The following DDIAS variants were observed in gnomAD, a reference collection of about 807,000 sequenced individuals.
DDIAS encodes the protein DNA damage induced apoptosis suppressor, also known as DNA damage-induced apoptosis suppressor protein.
In DDIAS, 14 loss-of-function variants were observed where a neutral mutation model predicts 15.7. That is an observed-to-expected ratio of 0.89 (90% CI 0.59 to 1.39). DDIAS has a LOEUF of 1.39. Ranked by LOEUF, DDIAS falls within the 40% of genes most tolerant of loss-of-function variation. The pLI is 0.00. For missense variants in DDIAS, 1,035 were observed against 1,130.9 expected (o/e 0.92, Z 1.22); for synonymous variants, 355 against 395.9 (o/e 0.90, Z 1.23).
intron 3 of DDIAS, among the ~76,000 whole-genome samples, chr11:82,928,418 C>T (rs911819823): frequency 2.0e-5 from 3 of 151,750 alleles, no homozygotes; most frequent in Admixed American, 1.3e-4. Flanking sequence ...CTAGGATGGT[C>T]TCAATCTCCT....
intron 3 of DDIAS, among the ~76,000 whole-genome samples, chr11:82,918,144 C>T (rs1044996556): frequency 4.6e-5 from 7 of 152,130 alleles, no homozygotes; most frequent in African/African-American, 1.7e-4. Flanking sequence ...TTAATTAAGT[C>T]CCAGCTATTT....
In DDIAS at chr11:82,932,342, A is replaced by C; in HGVS notation, c.1004A>C (p.Asn335Thr). 6.2e-7 allele frequency: 1 copy of C among 1,614,056 alleles called. No individual in the cohort carries two copies. The highest frequency in any genetic ancestry group is 8.5e-7 in the Non-Finnish European group (1 of 1,179,898). The change falls in exon 6 of 6, where the codon AAT (asparagine) becomes ACT (threonine). Residue 335 changes from asparagine (N) to threonine (T), a missense_variant. By Grantham distance (65) the Asn-to-Thr change is moderately conservative. Transcript: ENST00000533655. The part of the protein sequence containing the change: ...VHSSHHEIGV[N>T]DSNLFSLEMR... ...AGCAGTCATCATGAAATTGGAGTTA[A>C]TGACTCTAATTTATTCTCTTTGGAA...
At chr11:82,915,095 G>A (rs903062476) in intron 3 of DDIAS, among the ~76,000 whole-genome samples, 54 of 152,216 alleles carry the variant, frequency 3.5e-4, no homozygotes, top group African/African-American at 1.2e-3. Flanking sequence ...TTCTCAGAGA[G>A]TAAGTTCCAA....
intron 3 of DDIAS, among the ~76,000 whole-genome samples, chr11:82,917,438 G>A (rs1860655452): frequency 6.6e-6 from 1 of 152,058 alleles, no homozygotes; most frequent in Non-Finnish European, 1.5e-5. Flanking sequence ...TAGAATAACA[G>A]TCTCCAGTCT....
At chr11:82,927,386 C>A (rs1374876520) in intron 3 of DDIAS, among the ~76,000 whole-genome samples, 1 of 146,988 alleles carries the variant, frequency 6.8e-6, no homozygotes, top group Non-Finnish European at 1.5e-5. Flanking sequence ...TGGTATAGAT[C>A]TATCCTCAGT....
chr11:82,933,235 T>C lies in DDIAS; in HGVS notation c.1897T>C (p.Tyr633His), dbSNP rs190082082. ...TTTTACAATTTGCAGGAAACTTACA[T>C]ATCCTTTAGAAACTCTTTGCAATAG... ...DSFTICRKLTYPLETLCNSPN... is the reference protein window; with the variant it reads ...DSFTICRKLTHPLETLCNSPN... The change falls in exon 6 of 6, where the codon TAT becomes CAT. Residue 633 changes from tyrosine (Y) to histidine (H), a missense_variant. Coordinates refer to ENST00000533655, the MANE Select transcript of DDIAS (RefSeq NM_145018.4). 6.2e-6 allele frequency: 10 copies of C among 1,612,312 alleles called. No individual in the cohort carries two copies. In the Admixed American group the frequency reaches 1.0e-4, roughly 16 times the overall value.
chr11:82,917,349 T>C (rs1210260184), intron 3 of DDIAS, among the ~76,000 whole-genome samples: 1 of 151,990 alleles, frequency 6.6e-6, no homozygotes, highest in African/African-American at 2.4e-5. Context: ...TTCTTATGCT[T>C]TTGCATCCTC....
In DDIAS at chr11:82,932,519, C is replaced by G. The variant is rs140627913; in HGVS notation, c.1181C>G (p.Ser394Trp). The G allele has an allele frequency of 3.1e-4, 500 of 1,614,192 alleles. 1 individual carries two copies. Among genetic ancestry groups the G allele is most frequent in the African/African-American group, 2.6e-3 (193 of 75,048 alleles). ...LQKRSACCPPSLLRLEETASS... is the reference protein window; with the variant it reads ...LQKRSACCPPWLLRLEETASS... ...AAGAGATCTGCATGTTGTCCACCTTCGTTACTCAGACTTGAAGAGACAGCC... is the reference window on the plus strand; with the variant it reads ...AAGAGATCTGCATGTTGTCCACCTTGGTTACTCAGACTTGAAGAGACAGCC... The change falls in exon 6 of 6, where the codon TCG becomes TGG. Residue 394 changes from serine to tryptophan, a missense_variant. Coordinates refer to ENST00000533655, the MANE Select transcript of DDIAS (RefSeq NM_145018.4).
intron 5 of DDIAS, 58 bp downstream of exon 5, chr11:82,930,332 A>G (rs927955470): frequency 1.0e-5 from 13 of 1,253,770 alleles, no homozygotes; most frequent in Non-Finnish European, 1.4e-5. Context: ...GTAATGAATT[A>G]TGTGAATTTT....
chr11:82,930,149 C>T lies in DDIAS; in HGVS notation c.276-8C>T. 1 of 1,478,940 alleles carries T rather than the reference C, an allele frequency of 6.8e-7. No homozygotes were observed. Among genetic ancestry groups the T allele is most frequent in the Non-Finnish European group, 9.2e-7 (1 of 1,085,912 alleles). The allele number at this position is 1,478,940 out of a possible 1,614,324, so 91.6% of individuals were successfully genotyped here. A position where few individuals can be genotyped will look rare whatever the true frequency, so the allele number is the denominator to read the frequency against. ...TGCTTCACATTTTTTACTTTTTTTC[C>T]AATCAAGGTACATTCAGGATCCTAA... On this transcript the variant is annotated splice_region_variant and splice_polypyrimidine_tract_variant and intron_variant, in intron 4 of 5. Transcript: ENST00000533655.
intron 3 of DDIAS, among the ~76,000 whole-genome samples, chr11:82,916,469 G>T (rs536563529): frequency 6.6e-6 from 1 of 151,816 alleles, no homozygotes; most frequent in South Asian, 2.1e-4. Flanking sequence ...AGTAATATCT[G>T]CCTAATAAGG....
intron 3 of DDIAS, among the ~76,000 whole-genome samples, chr11:82,921,390 C>T (rs1369186097): frequency 6.6e-6 from 1 of 151,908 alleles, no homozygotes; most frequent in Non-Finnish European, 1.5e-5. Flanking sequence ...ATTTGAGGTA[C>T]CATTGCATTC....
chr11:82,933,907 C>G lies in DDIAS; in HGVS notation c.2569C>G (p.His857Asp). 6.2e-7 allele frequency: 1 copy of G among 1,613,786 alleles called. No individual in the cohort carries two copies. The highest frequency in any genetic ancestry group is 8.5e-7 in the Non-Finnish European group (1 of 1,179,938). ...VFNHYPFAEC[H>D]ETDSDEWVPP... is the part of the protein sequence containing the mutation. ...CAATCACTACCCTTTTGCTGAGTGC[C>G]ATGAAACTGATAGTGATGAATGGGT... Residue 857 changes from histidine (H) to aspartate (D), a missense_variant, in exon 6 of 6, where the codon CAT becomes GAT. Coordinates refer to ENST00000533655, the MANE Select transcript of DDIAS (RefSeq NM_145018.4).
At chr11:82,911,072 AT>A (rs1173216323) in intron 1 of DDIAS, among the ~76,000 whole-genome samples, 1 of 152,238 alleles carries the variant, frequency 6.6e-6, no homozygotes, top group Non-Finnish European at 1.5e-5. Context: ...TTATTAAAAA[AT>A]GTTAATGATC....
chr11:82,923,573 T>C (rs957260776), intron 3 of DDIAS, among the ~76,000 whole-genome samples: 6 of 152,320 alleles, frequency 3.9e-5, no homozygotes, highest in East Asian at 1.9e-4. Flanking sequence ...GATCAGTAGA[T>C]TGAATGTAGT....
At position 82,932,290 on chromosome 11, in the gene DDIAS, C is replaced by G; in HGVS notation, c.952C>G (p.Gln318Glu). The G allele has an allele frequency of 6.2e-7, 1 of 1,613,860 alleles. No individual in the cohort carries two copies. Residue 318 changes from glutamine to glutamate, a missense_variant, in exon 6 of 6, where the codon CAA becomes GAA. Transcript: ENST00000533655. Reference protein sequence around the residue: ...AEKLGKELGLQAKELSAVHSS... With the variant: ...AEKLGKELGLEAKELSAVHSS... ...AAAGTTGGGTAAAGAACTTGGCTTACAAGCTAAGGAGCTGAGTGCAGTTCA... is the reference window on the plus strand; with the variant it reads ...AAAGTTGGGTAAAGAACTTGGCTTAGAAGCTAAGGAGCTGAGTGCAGTTCA...
At chr11:82,905,634 A>G (rs1403251919) in intron 1 of DDIAS, among the ~76,000 whole-genome samples, 1 of 152,140 alleles carries the variant, frequency 6.6e-6, no homozygotes, top group African/African-American at 2.4e-5. Flanking sequence ...CATTTCCAAA[A>G]TAGAATTTGC....
chr11:82,930,932 T>C (rs117944468), intron 5 of DDIAS, among the ~76,000 whole-genome samples: 4,262 of 152,234 alleles, frequency 0.028, 97 homozygotes, highest in Admixed American at 0.057. Context: ...GCTTTACTTG[T>C]TAAAATCGTA....
At chr11:82,925,839 T>C (rs1016726356) in intron 3 of DDIAS, among the ~76,000 whole-genome samples, 1 of 151,648 alleles carries the variant, frequency 6.6e-6, no homozygotes, top group Non-Finnish European at 1.5e-5. Context: ...ATACAAAAAA[T>C]TAGCTGGGTG....
Sources: allele counts gnomAD v4.1 joint callset (sites outside exome capture counted in the v4.1 genomes callset), GRCh38; gene constraint gnomAD v4.1.1; transcripts MANE v1.5; gene names NCBI Gene and HGNC (gene_info 2026-07-23, HGNC 2026-07-21).